MGRN1: variants seen among roughly 807,000 people sequenced by gnomAD.
MGRN1 encodes the protein mahogunin ring finger 1.
In MGRN1, 29 loss-of-function variants were observed where a neutral mutation model predicts 69.2. The ratio of observed to expected loss-of-function variants is 0.42; its 90% CI spans 0.31 to 0.57. The LOEUF (loss-of-function observed/expected upper bound fraction) is 0.57, where lower values mean the gene tolerates loss of function less well. Ranked by LOEUF, MGRN1 falls within the 20% of genes least tolerant of loss-of-function variation. The pLI is 0.15. For synonymous variants in MGRN1, 470 were observed against 344.2 expected (o/e 1.37, Z -4.04); for missense variants, 998 against 796.2 (o/e 1.25, Z -3.05).
rs1244640313 is a variant in MGRN1, at chr16:4,690,298, C to T, written c.*1390C>T. 1 of 152,082 alleles carries T rather than the reference C, an allele frequency of 6.6e-6. No homozygotes were observed. The highest frequency in any genetic ancestry group is 1.5e-5 in the Non-Finnish European group (1 of 68,026). The allele number at this position is 152,082 out of a possible 1,614,324, so 9.4% of individuals were successfully genotyped here. ...GGGCCTGGTGACCCAGGGCTGGATCCACCCCTGCGGAGCCCTGGGCCAGGC... is the reference window on the plus strand; with the variant it reads ...GGGCCTGGTGACCCAGGGCTGGATCTACCCCTGCGGAGCCCTGGGCCAGGC... On this transcript the variant is annotated 3_prime_UTR_variant, in exon 17 of 17. Coordinates refer to ENST00000262370, the MANE Select transcript of MGRN1 (RefSeq NM_015246.4).
At chr16:4,660,682 C>T (rs1404912777) in intron 5 of MGRN1, among the ~76,000 whole-genome samples, 1 of 152,212 alleles carries the variant, frequency 6.6e-6, no homozygotes, top group Non-Finnish European at 1.5e-5. Flanking sequence ...GCTGCCGGTG[C>T]GCGAACTCCC....
chr16:4,677,401 G>A (rs1225469071), intron 10 of MGRN1, 62 bp from the exon 11 acceptor site: 5 of 1,358,990 alleles, frequency 3.7e-6, no homozygotes, highest in Non-Finnish European at 4.9e-6. Context: ...CTGGGGCTGG[G>A]AGGGTCCCCT....
chr16:4,668,735 C>T (rs1020013171), intron 8 of MGRN1, among the ~76,000 whole-genome samples: 4 of 150,688 alleles, frequency 2.7e-5, no homozygotes, highest in Non-Finnish European at 5.9e-5. Context: ...TACATAGACA[C>T]ATACTGATAC....
chr16:4,646,501 C>T (rs2078277535), intron 1 of MGRN1, among the ~76,000 whole-genome samples: 2 of 152,032 alleles, frequency 1.3e-5, no homozygotes. Flanking sequence ...CCCTGGCTCA[C>T]AGGCCCGGCA....
In MGRN1 at chr16:4,657,227, TGCTCCTG is replaced by T. The variant is rs745351367; in HGVS notation, c.444-13_444-7del. 1.7e-5 allele frequency: 27 copies of T among 1,609,076 alleles called. No individual in the cohort carries two copies. The highest frequency in any genetic ancestry group is 1.6e-4 in the African/African-American group (12 of 74,942). On this transcript the variant is annotated splice_polypyrimidine_tract_variant and intron_variant, in intron 4 of 16. Coordinates refer to ENST00000262370, the MANE Select transcript of MGRN1 (RefSeq NM_015246.4). ...CTCTTCCTGCCGCAGCCTCACTGCT[TGCTCCTG>T]GCTCCCTGCAGATACAGCCCCAAGA...
intron 10 of MGRN1, among the ~76,000 whole-genome samples, chr16:4,675,536 C>T (rs1048454783): frequency 6.6e-6 from 1 of 151,992 alleles, no homozygotes; most frequent in Non-Finnish European, 1.5e-5. Flanking sequence ...CCCAAGAGTT[C>T]GAGACTAGCC....
chr16:4,648,671 T>C, intron 1 of MGRN1, among the ~76,000 whole-genome samples: 1 of 103,270 alleles, frequency 9.7e-6, no homozygotes, highest in Non-Finnish European at 1.9e-5. Flanking sequence ...CGGGGACTCT[T>C]CCCGTGGTCA....
At chr16:4,639,393 C>T (rs1050854091) in intron 1 of MGRN1, among the ~76,000 whole-genome samples, 7 of 152,016 alleles carry the variant, frequency 4.6e-5, no homozygotes, top group African/African-American at 1.7e-4. Flanking sequence ...GCGGGGTGGG[C>T]AGGGCATGTG....
At chr16:4,679,208 A>G (rs1008928637) in intron 11 of MGRN1, among the ~76,000 whole-genome samples, 1 of 152,230 alleles carries the variant, frequency 6.6e-6, no homozygotes, top group African/African-American at 2.4e-5. Context: ...GGTTTCACCT[A>G]GGGAGTGATC....
chr16:4,628,885 G>T (rs1567163953), intron 1 of MGRN1, among the ~76,000 whole-genome samples: 1 of 151,806 alleles, frequency 6.6e-6, no homozygotes, highest in Non-Finnish European at 1.5e-5. Context: ...CTGTTGCCCT[G>T]GAGTGCAGTG....
intron 15 of MGRN1, 35 bp downstream of exon 15, chr16:4,683,304 C>T: frequency 1.9e-6 from 3 of 1,611,774 alleles, no homozygotes; most frequent in Non-Finnish European, 2.5e-6. Context: ...AAACCGCATG[C>T]AGGGACCAGG....
chr16:4,658,190 C>T (rs377284286), intron 5 of MGRN1, among the ~76,000 whole-genome samples: 19 of 152,156 alleles, frequency 1.2e-4, no homozygotes, highest in African/African-American at 4.6e-4. Flanking sequence ...CAGCGTCCAT[C>T]TGGTCTGCAG....
chr16:4,641,654 G>A (rs2078161529), intron 1 of MGRN1, among the ~76,000 whole-genome samples: 1 of 151,944 alleles, frequency 6.6e-6, no homozygotes, highest in Non-Finnish European at 1.5e-5. Context: ...GAGTAGATGG[G>A]ATTACAGGCA....
At chr16:4,637,540 AGTGCC>A (rs887014646) in intron 1 of MGRN1, among the ~76,000 whole-genome samples, 1 of 152,210 alleles carries the variant, frequency 6.6e-6, no homozygotes, top group Non-Finnish European at 1.5e-5. Context: ...TGGCCGCCTT[AGTGCC>A]GTTTATGGAA....
chr16:4,660,213 T>C (rs1369006583), intron 5 of MGRN1, among the ~76,000 whole-genome samples: 1 of 152,216 alleles, frequency 6.6e-6, no homozygotes, highest in African/African-American at 2.4e-5. Context: ...CCGCTTTTTC[T>C]CTCTAGAGTG....
intron 16 of MGRN1, chr16:4,686,610 C>CAA (rs1271865685): frequency 4.2e-6 from 5 of 1,204,180 alleles, no homozygotes; most frequent in Non-Finnish European, 4.1e-6. Context: ...GGCAGGGAGA[C>CAA]AGACACAGCC....
intron 1 of MGRN1, among the ~76,000 whole-genome samples, chr16:4,626,008 G>A (rs79279189): frequency 2.6e-5 from 4 of 152,222 alleles, no homozygotes; most frequent in Non-Finnish European, 5.9e-5. Context: ...TCCACAAGTG[G>A]GGGAGGACTG....
rs560578643 is a variant in MGRN1 at position 4,650,584 on chromosome 16, C to A, written c.207+101C>A. On this transcript the variant is annotated intron_variant, in intron 2 of 16. Coordinates refer to ENST00000262370, the MANE Select transcript of MGRN1 (RefSeq NM_015246.4). ...ATGAGGGCAAGCAGGCACCAAATCA[C>A]CCCTAAAGGGGGCAGAGCTCCTGGC... 6.5e-6 allele frequency: 6 copies of A among 924,022 alleles called. No homozygotes were observed. In the African/African-American group the frequency reaches 1.0e-4, roughly 16 times the overall value. The allele number at this position is 924,022 out of a possible 1,614,324, so 57.2% of individuals were successfully genotyped here.
intron 4 of MGRN1, among the ~76,000 whole-genome samples, chr16:4,653,113 C>T (rs568897353): frequency 6.6e-6 from 1 of 152,332 alleles, no homozygotes; most frequent in East Asian, 1.9e-4. Context: ...CTTCAGATGC[C>T]ACTCATAAGC....
Sources: gnomAD v4.1 joint callset for allele counts (sites outside exome capture counted in the v4.1 genomes callset) on GRCh38, gnomAD v4.1.1 for gene constraint, MANE v1.5 for transcripts, NCBI Gene and HGNC (gene_info 2026-07-23, HGNC 2026-07-21) for gene names.